Variants in NF1 observed in about 807,000 individuals in gnomAD.
NF1 encodes the protein neurofibromin 1.
NF1 carries 122 observed loss-of-function variants against 325.7 expected under a neutral mutation model. The ratio of observed to expected loss-of-function variants is 0.37; its 90% CI spans 0.32 to 0.44. The LOEUF is 0.44. NF1 is among the 20% of genes least tolerant of loss of function. The probability of loss-of-function intolerance (pLI) is 1.00; values close to 1 mark genes in which losing one functional copy is unlikely to be tolerated. For synonymous variants in NF1, 1,091 were observed against 1,186.0 expected (o/e 0.92, Z 1.65); for missense variants, 2,140 against 3,415.4 (o/e 0.63, Z 9.31).
At chr17:31,285,535 A>G (rs916697433) in intron 36 of NF1, among the ~76,000 whole-genome samples, 1 of 152,182 alleles carries the variant, frequency 6.6e-6, no homozygotes, top group Non-Finnish European at 1.5e-5. Context: ...ACGTTTAGTA[A>G]TACTGTTTTT....
At chr17:31,215,118 C>CATT (rs1597699047) in intron 13 of NF1, among the ~76,000 whole-genome samples, 1 of 151,940 alleles carries the variant, frequency 6.6e-6, no homozygotes, top group Admixed American at 6.6e-5. Context: ...GTGTGATTAT[C>CATT]ATTATTATTA....
At chr17:31,326,384 A>C in intron 37 of NF1, 132 bp downstream of exon 37, 6 of 887,422 alleles carry the variant, frequency 6.8e-6, no homozygotes, top group Non-Finnish European at 1.0e-5. Context: ...GCGGTGGCTC[A>C]CGCCTGTAAT....
intron 8 of NF1, among the ~76,000 whole-genome samples, chr17:31,194,599 T>C (rs1239924588): frequency 1.3e-5 from 2 of 152,104 alleles, no homozygotes; most frequent in Non-Finnish European, 2.9e-5. Flanking sequence ...TGATTTGATC[T>C]CTGTATAGCT....
chr17:31,149,291 TACAC>T (rs796806933), intron 1 of NF1, among the ~76,000 whole-genome samples: 2,042 of 147,298 alleles, frequency 0.014, 47 homozygotes, highest in African/African-American at 0.047. Context: ...CACACACACA[TACAC>T]ACACACACAC....
rs1479835629 is a variant in NF1 at position 31,261,831 on chromosome 17, T to C, written c.4698T>C (p.Ser1566=). 1.2e-6 allele frequency: 2 copies of C among 1,612,928 alleles called. No individual in the cohort carries two copies. The highest frequency in any genetic ancestry group is 8.5e-7 in the Non-Finnish European group (1 of 1,179,960). Residue 1566 remains serine (S), a synonymous_variant, in exon 35 of 58, where the codon AGT becomes AGC. Coordinates refer to ENST00000358273, the MANE Select transcript of NF1 (RefSeq NM_001042492.3). ...DTHWSSLNLT[S]SKFEEFMTRH... ...ACTGGTCCAGCCTTAACCTTACCAG[T>C]TCAAAGTTTGAGGAATTTATGACTA...
At chr17:31,276,953 C>T (rs75016398) in intron 36 of NF1, among the ~76,000 whole-genome samples, 105 of 152,174 alleles carry the variant, frequency 6.9e-4, no homozygotes, top group Admixed American at 2.7e-3. Flanking sequence ...GACTGTTGAT[C>T]GGAAGCCTTT....
At chr17:31,304,830 A>T (rs2068665226) in intron 36 of NF1, 1 of 1,613,808 alleles carries the variant, frequency 6.2e-7, no homozygotes. Context: ...TGGATATTTC[A>T]TTTTCTCTGA....
In NF1 at chr17:31,178,877, G is replaced by A. The variant is rs554275741; in HGVS notation, c.587-2545G>A. Among the ~76,000 whole-genome samples the A allele has an allele frequency of 5.3e-5, 8 of 152,188 alleles. No homozygotes were observed. The East Asian group carries it at 1.4e-3, about 26-fold the overall frequency. On this transcript the variant is annotated intron_variant, in intron 5 of 57. Transcript: ENST00000358273. ...CAGATTCATAAAGCAAGTCCTTAGA[G>A]ACCTACAAAGAGACTTAGACTCCCA...
chr17:31,222,502 T>C (rs2066942835), intron 15 of NF1: 1 of 1,027,924 alleles, frequency 9.7e-7, no homozygotes, highest in Admixed American at 5.7e-5. Flanking sequence ...CATTATCTTA[T>C]AAGAATGGGT....
intron 22 of NF1, 119 bp from the exon 23 acceptor site, chr17:31,230,141 A>T: frequency 7.1e-7 from 1 of 1,418,196 alleles, no homozygotes; most frequent in Non-Finnish European, 9.8e-7. Context: ...TTTCTAAATA[A>T]ATATCTTATT....
intron 36 of NF1, among the ~76,000 whole-genome samples, chr17:31,281,135 G>A (rs992058028): frequency 6.6e-6 from 1 of 152,228 alleles, no homozygotes; most frequent in East Asian, 1.9e-4. Flanking sequence ...TTACTTGCAC[G>A]ATTGCTGAGC....
intron 13 of NF1, among the ~76,000 whole-genome samples, chr17:31,218,009 A>G (rs1366634029): frequency 1.3e-5 from 2 of 151,700 alleles, no homozygotes; most frequent in African/African-American, 4.8e-5. Context: ...TTAGTACACT[A>G]TATTTTTCCA....
At chr17:31,314,363 T>C (rs1292823180) in intron 36 of NF1, 1 of 187,464 alleles carries the variant, frequency 5.3e-6, no homozygotes, top group African/African-American at 2.3e-5. Context: ...AGTTGGGTTA[T>C]CACTTACAGT....
At chr17:31,201,544 G>T (rs17885375) in intron 11 of NF1, 59 bp downstream of exon 11, 1 of 1,271,654 alleles carries the variant, frequency 7.9e-7, no homozygotes, top group African/African-American at 1.5e-5. Context: ...TTTTCTTTGC[G>T]TATTTCTTTT....
chr17:31,177,246 C>T (rs562348183), intron 5 of NF1, among the ~76,000 whole-genome samples: 2 of 152,192 alleles, frequency 1.3e-5, no homozygotes, highest in African/African-American at 2.4e-5. Flanking sequence ...TTTGTTGTTC[C>T]GCAGCCTCTG....
chr17:31,223,631 T>C (rs1192875890), intron 16 of NF1, 64 bp downstream of exon 16: 2 of 1,524,216 alleles, frequency 1.3e-6, no homozygotes, highest in Non-Finnish European at 1.8e-6. Flanking sequence ...GAGAGATTAC[T>C]AAAGTGTTTT....
At chr17:31,236,168 T>C (rs1297345139) in intron 29 of NF1, 147 bp downstream of exon 29, 28 of 637,160 alleles carry the variant, frequency 4.4e-5, no homozygotes, top group Non-Finnish European at 6.8e-5. Flanking sequence ...CAAATACACG[T>C]TTCTTTAATG....
At chr17:31,109,494 G>C (rs4435317) in intron 1 of NF1, among the ~76,000 whole-genome samples, 80,835 of 151,440 alleles carry the variant, frequency 0.53, 25,588 homozygotes, top group Middle Eastern at 0.76. Context: ...AACGATTCTT[G>C]TGTCTCAGTC....
intron 1 of NF1, 24 bp from the exon 2 acceptor site, chr17:31,155,959 G>A: frequency 7.0e-7 from 1 of 1,437,422 alleles, no homozygotes; most frequent in Non-Finnish European, 9.5e-7. Context: ...CTGTTAACGT[G>A]TTTTTTTTTT....
Sources: allele counts gnomAD v4.1 joint callset (sites outside exome capture counted in the v4.1 genomes callset), GRCh38; gene constraint gnomAD v4.1.1; transcripts MANE v1.5; gene names NCBI Gene and HGNC (gene_info 2026-07-23, HGNC 2026-07-21).